SLC35D4: variants seen among roughly 807,000 people sequenced by gnomAD.
The protein encoded by SLC35D4 is UDP-N-acetylglucosamine transporter SLC35D4.
At chr18:23,282,608 G>A in the SLC35D4 span, among the ~76,000 whole-genome samples, 1 of 152,206 alleles carries the variant, frequency 6.6e-6, no homozygotes, top group Admixed American at 6.5e-5. Context: ...GTACCCTGGG[G>A]CCCCCAAGTG....
At chr18:23,279,834 T>C in the SLC35D4 span, among the ~76,000 whole-genome samples, 1 of 152,164 alleles carries the variant, frequency 6.6e-6, no homozygotes, top group South Asian at 2.1e-4. Context: ...CACACACATA[T>C]ATACATATAT....
chr18:23,386,124 CAAAAAAA>C, the SLC35D4 span, among the ~76,000 whole-genome samples: 8 of 41,148 alleles, frequency 1.9e-4, no homozygotes, highest in South Asian at 8.8e-4. Flanking sequence ...GACTCTGTCT[CAAAAAAA>C]AAAAAAAAAA....
the SLC35D4 span, among the ~76,000 whole-genome samples, chr18:23,304,921 A>G: frequency 6.6e-6 from 1 of 152,158 alleles, no homozygotes; most frequent in Non-Finnish European, 1.5e-5. Flanking sequence ...TCCCTTCTTC[A>G]GTCTTCTTAT....
chr18:23,256,467 G>T, the SLC35D4 span, among the ~76,000 whole-genome samples: 1 of 152,152 alleles, frequency 6.6e-6, no homozygotes, highest in East Asian at 1.9e-4. Context: ...ATTGTCGTGC[G>T]TGGTTTGCTT....
At chr18:23,348,727 TTTAAGGTATAACTG>T in the SLC35D4 span, among the ~76,000 whole-genome samples, 6 of 152,258 alleles carry the variant, frequency 3.9e-5, no homozygotes, top group African/African-American at 1.2e-4. Flanking sequence ...TGTCTTTTAC[TTTAAGGTATAACTG>T]TTATAGACAG....
chr18:23,345,454 C>A, the SLC35D4 span, among the ~76,000 whole-genome samples: 3 of 129,416 alleles, frequency 2.3e-5, no homozygotes, highest in Non-Finnish European at 3.1e-5. Flanking sequence ...TGTACTCCAG[C>A]CTGGGCGACA....
At chr18:23,404,894 G>A in the SLC35D4 span, among the ~76,000 whole-genome samples, 747 of 149,298 alleles carry the variant, frequency 5.0e-3, 9 homozygotes, top group African/African-American at 0.018. Flanking sequence ...GCTGAGGCAG[G>A]AGAATTGATT....
the SLC35D4 span, chr18:23,356,496 C>A: frequency 1.6e-6 from 2 of 1,248,346 alleles, no homozygotes; most frequent in Non-Finnish European, 2.3e-6. This position sits in a 1 kb window ranked among gnomAD's most constrained non-coding sequence, Gnocchi z 4.1. Context: ...CTCTCTCCTG[C>A]CACTCACTCA....
the SLC35D4 span, among the ~76,000 whole-genome samples, chr18:23,357,690 A>C: frequency 3.9e-3 from 587 of 152,364 alleles, 3 homozygotes; most frequent in African/African-American, 0.014. Context: ...ATCAAAAGAC[A>C]TGATGGGCTC....
At chr18:23,261,997 A>C in the SLC35D4 span, among the ~76,000 whole-genome samples, 37 of 152,206 alleles carry the variant, frequency 2.4e-4, no homozygotes, top group African/African-American at 8.9e-4. Flanking sequence ...GGCTTATTAA[A>C]GATGCAGAAT....
the SLC35D4 span, among the ~76,000 whole-genome samples, chr18:23,250,687 T>C: frequency 6.6e-6 from 1 of 152,236 alleles, no homozygotes; most frequent in South Asian, 2.1e-4. Flanking sequence ...TTGCAGGGCA[T>C]GTGGTTAGCC....
the SLC35D4 span, among the ~76,000 whole-genome samples, chr18:23,358,219 G>C: frequency 1.1e-4 from 17 of 152,158 alleles, no homozygotes; most frequent in African/African-American, 4.1e-4. Context: ...GAACTGCAGC[G>C]CAGCCAATGT....
chr18:23,399,456 T>C, the SLC35D4 span: 5 of 978,456 alleles, frequency 5.1e-6, no homozygotes, highest in South Asian at 4.6e-5. Flanking sequence ...GGTCCCATTA[T>C]TATCATTATT....
At chr18:23,309,078 G>C in the SLC35D4 span, among the ~76,000 whole-genome samples, 1 of 152,186 alleles carries the variant, frequency 6.6e-6, no homozygotes, top group African/African-American at 2.4e-5. Flanking sequence ...TATGTAAATA[G>C]TTGTTATACT....
the SLC35D4 span, among the ~76,000 whole-genome samples, chr18:23,243,535 T>C: frequency 1.4e-5 from 2 of 140,590 alleles, no homozygotes; most frequent in South Asian, 2.5e-4. Flanking sequence ...TCCAACACCA[T>C]ACAATTCACC....
chr18:23,340,686 G>T, the SLC35D4 span, among the ~76,000 whole-genome samples: 1 of 152,196 alleles, frequency 6.6e-6, no homozygotes, highest in Non-Finnish European at 1.5e-5. Flanking sequence ...GCCTGTCATT[G>T]TCTTCGGGAC....
the SLC35D4 span, among the ~76,000 whole-genome samples, chr18:23,261,953 G>A: frequency 2.0e-5 from 3 of 152,136 alleles, no homozygotes; most frequent in Admixed American, 1.3e-4. Context: ...CTAAGAGCAC[G>A]GCCCAAGGAT....
chr18:23,243,468 GT>G, the SLC35D4 span, among the ~76,000 whole-genome samples: 4,952 of 101,894 alleles, frequency 0.049, 76 homozygotes, highest in East Asian at 0.13. Context: ...TGGGTTTGGT[GT>G]TTTTTTTTTT....
At chr18:23,253,987 G>A in the SLC35D4 span, 4 of 1,525,920 alleles carry the variant, frequency 2.6e-6, no homozygotes, top group African/African-American at 4.1e-5. Flanking sequence ...CCGGTCCGGG[G>A]TTCCTCTCTC....
Sources: gnomAD v4.1 joint callset for allele counts (sites outside exome capture counted in the v4.1 genomes callset) on GRCh38, gnomAD v4.1.1 for gene constraint, Gnocchi (gnomAD v3.1) non-coding constraint, MANE v1.5 for transcripts, NCBI Gene and HGNC (gene_info 2026-07-23, HGNC 2026-07-21) for gene names.